NRDE2: variants seen among roughly 807,000 people sequenced by gnomAD.
NRDE2 encodes the protein NRDE-2, necessary for RNA interference, domain containing.
Under a neutral mutation model 124.2 loss-of-function variants are expected in NRDE2, and 76 were observed. The ratio of observed to expected loss-of-function variants is 0.61; its 90% CI spans 0.51 to 0.74. The LOEUF (loss-of-function observed/expected upper bound fraction) is 0.74. NRDE2 is among the 30% of genes least tolerant of loss of function. The probability of loss-of-function intolerance (pLI) is 0.00; values close to 1 mark genes in which losing one functional copy is unlikely to be tolerated. For missense variants in NRDE2, 1,314 were observed against 1,417.3 expected, an observed-to-expected ratio of 0.93 and a Z score of 1.17; for synonymous variants, 489 against 528.1, an observed-to-expected ratio of 0.93 and a Z score of 1.01.
intron 10 of NRDE2, among the ~76,000 whole-genome samples, chr14:90,289,777 G>A (rs1201726640): frequency 2.0e-5 from 3 of 152,160 alleles, no homozygotes; most frequent in Non-Finnish European, 4.4e-5. Flanking sequence ...TAGTAGAGAC[G>A]AGGTTTTGCC....
intron 13 of NRDE2, 191 bp from the exon 14 acceptor site, chr14:90,278,652 A>T (rs748054584): frequency 3.2e-5 from 20 of 628,548 alleles, no homozygotes; most frequent in Non-Finnish European, 5.4e-5. Flanking sequence ...CTGAACTCGC[A>T]AAAGTGAGCA....
At position 90,298,341 on chromosome 14, in the gene NRDE2, G is replaced by T. The variant is rs368842771; in HGVS notation, c.1585C>A (p.Arg529=). The change falls in exon 8 of 14, where the codon CGG becomes AGG. Residue 529 remains arginine, a synonymous_variant. Coordinates refer to ENST00000354366, the MANE Select transcript of NRDE2 (RefSeq NM_017970.4). ...FEPFWDSGEP[R]AGEKGARGWK... ...CCTCGGGCTCCCTTCTCCCCAGCCC[G>T]GGGCTCTCCACTGTCCCAAAAGGGT... 1.9e-6 allele frequency: 3 copies of T among 1,613,526 alleles called. No individual in the cohort carries two copies. The highest frequency in any genetic ancestry group is 2.7e-5 in the African/African-American group (2 of 74,916).
chr14:90,329,851 A>T (rs1024324761), intron 1 of NRDE2, among the ~76,000 whole-genome samples: 4 of 151,398 alleles, frequency 2.6e-5, no homozygotes, highest in African/African-American at 9.7e-5. Context: ...AAAAAAAAAA[A>T]AAAGTAAAAG....
At chr14:90,313,218 C>T (rs1000289925) in intron 3 of NRDE2, among the ~76,000 whole-genome samples, 3 of 151,478 alleles carry the variant, frequency 2.0e-5, no homozygotes, top group Non-Finnish European at 4.4e-5. Flanking sequence ...GCTCCGCCTC[C>T]CGGATTCACG....
At chr14:90,280,079 A>C (rs1891911389) in intron 12 of NRDE2, 1 of 152,210 alleles carries the variant, frequency 6.6e-6, no homozygotes, top group Non-Finnish European at 1.5e-5. Flanking sequence ...CCATCTACCA[A>C]GGATGGCCTC....
Position 90,269,344 on chromosome 14 carries a change from T to A in NRDE2, c.*8992A>T. On this transcript the variant is annotated 3_prime_UTR_variant, in exon 14 of 14. Coordinates refer to ENST00000354366, the MANE Select transcript of NRDE2 (RefSeq NM_017970.4). ...AATGAGGTCTTTGCTGTAATTCCCC[T>A]TGAGCAGGCGATCAGTTGAGTCTTC... is the stretch of plus-strand genomic sequence containing the variant. The A allele has an allele frequency of 6.6e-7, 1 of 1,510,164 alleles. No individual in the cohort carries two copies. The highest frequency in any genetic ancestry group is 9.0e-7 in the Non-Finnish European group (1 of 1,113,908). 93.5% of individuals were successfully genotyped at this position (1,510,164 alleles called of 1,614,324 possible).
chr14:90,309,993 C>A (rs1884767631), intron 4 of NRDE2, among the ~76,000 whole-genome samples: 1 of 152,206 alleles, frequency 6.6e-6, no homozygotes, highest in Non-Finnish European at 1.5e-5. Flanking sequence ...TGTTAGTACA[C>A]TCCCCTCCTT....
intron 1 of NRDE2, among the ~76,000 whole-genome samples, chr14:90,320,676 C>G (rs764660897): frequency 6.6e-6 from 1 of 151,970 alleles, no homozygotes; most frequent in Non-Finnish European, 1.5e-5. Context: ...AAGGAAAATC[C>G]CAAAGAAAGA....
chr14:90,278,269 C>G lies in NRDE2; in HGVS notation c.*67G>C. ...TCTCCTAACACACACGTTCTCTGCTCGCGCCTCCTAGCTCCGCAGGGTGGG... is the reference window on the plus strand; with the variant it reads ...TCTCCTAACACACACGTTCTCTGCTGGCGCCTCCTAGCTCCGCAGGGTGGG... On this transcript the variant is annotated 3_prime_UTR_variant, in exon 14 of 14. Transcript: ENST00000354366. The G allele has an allele frequency of 2.5e-6, 4 of 1,595,092 alleles. No individual in the cohort carries two copies. Among genetic ancestry groups the G allele is most frequent in the Admixed American group, 1.7e-5 (1 of 59,566 alleles).
At chr14:90,303,692 C>G (rs1884489416) in intron 5 of NRDE2, among the ~76,000 whole-genome samples, 1 of 152,180 alleles carries the variant, frequency 6.6e-6, no homozygotes, top group Admixed American at 6.5e-5. Context: ...ACAAGCCATT[C>G]CCTCACTCCA....
At position 90,274,246 on chromosome 14, in the gene NRDE2, G is replaced by C. The variant is rs1202695619; in HGVS notation, c.*4090C>G. 6.4e-6 allele frequency: 1 copy of C among 155,698 alleles called. No homozygotes were observed. The highest frequency in any genetic ancestry group is 1.5e-5 in the Non-Finnish European group (1 of 68,720). The allele number at this position is 155,698 out of a possible 1,614,324, so 9.6% of individuals were successfully genotyped here. A position where few individuals can be genotyped will look rare whatever the true frequency, so the allele number is the denominator to read the frequency against. The stretch of plus-strand genomic sequence containing the variant: ...GGTGAGGCTGGCATCCGTGTGGGGT[G>C]TATGTGCAGGGCTGGGGTGGTCCGA... On this transcript the variant is annotated 3_prime_UTR_variant, in exon 14 of 14. Transcript: ENST00000354366.
intron 1 of NRDE2, among the ~76,000 whole-genome samples, chr14:90,321,455 T>C (rs1885236044): frequency 6.6e-6 from 1 of 150,516 alleles, no homozygotes; most frequent in South Asian, 2.1e-4. Context: ...AGTATATCTA[T>C]TATACTAGCA....
Position 90,278,476 on chromosome 14 carries a change from G to A in NRDE2, c.3370-15C>T, listed in dbSNP as rs763311441. Reference sequence around the variant, plus strand: ...AGGTACAACACCTAGGGGGCAGGCAGGAAGGCCGCCCCACTCAGCCGCCAC... The same window carrying A: ...AGGTACAACACCTAGGGGGCAGGCAAGAAGGCCGCCCCACTCAGCCGCCAC... On this transcript the variant is annotated splice_polypyrimidine_tract_variant and intron_variant, in intron 13 of 13. Coordinates refer to ENST00000354366, the MANE Select transcript of NRDE2 (RefSeq NM_017970.4). 5.0e-6 allele frequency: 8 copies of A among 1,613,056 alleles called. No individual in the cohort carries two copies. In the African/African-American group the frequency reaches 8.0e-5, roughly 16 times the overall value.
intron 8 of NRDE2, among the ~76,000 whole-genome samples, chr14:90,295,341 G>C (rs887180766): frequency 3.9e-5 from 6 of 152,022 alleles, no homozygotes; most frequent in Non-Finnish European, 5.9e-5. Context: ...TAGCATTATA[G>C]ATCATATATA....
At chr14:90,311,674 T>A (rs1884843128) in intron 4 of NRDE2, among the ~76,000 whole-genome samples, 2 of 152,092 alleles carry the variant, frequency 1.3e-5, no homozygotes, top group Non-Finnish European at 2.9e-5. Context: ...AATGGGCTAA[T>A]ACAGTATCCA....
In NRDE2 at chr14:90,288,569, T is replaced by C. The variant is rs1595058366; in HGVS notation, c.2806A>G (p.Ser936Gly). The change falls in exon 11 of 14, where the codon AGT becomes GGT. Residue 936 changes from serine to glycine, a missense_variant. Coordinates refer to ENST00000354366, the MANE Select transcript of NRDE2 (RefSeq NM_017970.4). ...IYEQVFAKLN[S>G]SVFPEGSGEG... ...CCAGAGCCTTCTGGGAAAACAGAACTGTTCAGTTTTGCAAACACCTGTTCG... is the reference window on the plus strand; with the variant it reads ...CCAGAGCCTTCTGGGAAAACAGAACCGTTCAGTTTTGCAAACACCTGTTCG... 2 of 1,614,176 alleles carry C rather than the reference T, an allele frequency of 1.2e-6. No individual in the cohort carries two copies. The highest frequency in any genetic ancestry group is 1.7e-6 in the Non-Finnish European group (2 of 1,180,006).
intron 1 of NRDE2, among the ~76,000 whole-genome samples, chr14:90,329,252 A>G (rs1297704683): frequency 1.3e-5 from 2 of 152,200 alleles, no homozygotes; most frequent in African/African-American, 2.4e-5. Flanking sequence ...CAGCCCAACC[A>G]TATTTCCCAA....
rs377682810 is a variant in NRDE2, at chr14:90,290,352, G to A, written c.2098C>T (p.Arg700Cys). The change falls in exon 10 of 14, where the codon CGC becomes TGC. Residue 700 changes from arginine to cysteine, a missense_variant. By Grantham distance (180) the Arg-to-Cys change is radical. Coordinates refer to ENST00000354366, the MANE Select transcript of NRDE2 (RefSeq NM_017970.4). ...TCTCGGTTCTGACCCCTGGTCCAGCGAGGATAGCCCAACCTATCCATGCGG... is the reference window on the plus strand; with the variant it reads ...TCTCGGTTCTGACCCCTGGTCCAGCAAGGATAGCCCAACCTATCCATGCGG... ...VGRMDRLGYP[R>C]WTRGQNREGE... The A allele has an allele frequency of 1.5e-5, 24 of 1,613,986 alleles. No homozygotes were observed. The highest frequency in any genetic ancestry group is 1.6e-4 in the Middle Eastern group (1 of 6,084).
At chr14:90,286,642 A>T in intron 11 of NRDE2, 150 bp from the exon 12 acceptor site, 1 of 962,772 alleles carries the variant, frequency 1.0e-6, no homozygotes, top group Non-Finnish European at 1.5e-6. Flanking sequence ...AGCGCTGTGT[A>T]TGGGGCTTCT....
Sources: gnomAD v4.1 joint callset for allele counts (sites outside exome capture counted in the v4.1 genomes callset) on GRCh38, gnomAD v4.1.1 for gene constraint, MANE v1.5 for transcripts, NCBI Gene and HGNC (gene_info 2026-07-23, HGNC 2026-07-21) for gene names.